THSD7B: variants seen among roughly 807,000 people sequenced by gnomAD.
THSD7B encodes thrombospondin type-1 domain-containing protein 7B.
In THSD7B, 138 loss-of-function variants were observed where a neutral mutation model predicts 213.6. That is an observed-to-expected ratio of 0.65 (90% CI 0.56 to 0.74). The LOEUF is 0.74. Among genes scored for constraint, THSD7B ranks in the 30% least tolerant of loss-of-function variants. The pLI is 0.00. For synonymous variants in THSD7B, 742 were observed against 687.0 expected (o/e 1.08, Z -1.25); for missense variants, 1,931 against 1,991.5 (o/e 0.97, Z 0.58).
In THSD7B at chr2:137,391,874, C is replaced by A. The variant is rs550818569; in HGVS notation, c.2501-13739C>A. Among the ~76,000 whole-genome samples the A allele has an allele frequency of 3.3e-5, 5 of 152,216 alleles. No homozygotes were observed. The East Asian group carries it at 9.7e-4, about 29-fold the overall frequency. On this transcript the variant is annotated intron_variant, in intron 12 of 27. Transcript: ENST00000409968. ...GATCTTTATACTTTCTTGATGTGGG[C>A]ATTTAATGCTACAGACTTCTTTCTT...
intron 27 of THSD7B, among the ~76,000 whole-genome samples, chr2:137,670,813 C>A (rs1188170911): frequency 6.6e-6 from 1 of 151,246 alleles, no homozygotes; most frequent in East Asian, 2.0e-4. Context: ...CCCAGCTACT[C>A]CGGAGGCTGA....
At chr2:137,284,675 A>G (rs1341908552) in intron 12 of THSD7B, among the ~76,000 whole-genome samples, 1 of 152,110 alleles carries the variant, frequency 6.6e-6, no homozygotes, top group Admixed American at 6.5e-5. Flanking sequence ...GTCATTCAGG[A>G]GCAGGTTGTT....
intron 3 of THSD7B, among the ~76,000 whole-genome samples, chr2:137,073,369 T>C (rs1444852081): frequency 6.6e-6 from 1 of 152,244 alleles, no homozygotes; most frequent in Non-Finnish European, 1.5e-5. Context: ...CCATTTCTTC[T>C]AGATTTTCTA....
chr2:137,296,851 T>G (rs1336068438), intron 12 of THSD7B, among the ~76,000 whole-genome samples: 1 of 152,060 alleles, frequency 6.6e-6, no homozygotes, highest in African/African-American at 2.4e-5. Flanking sequence ...AACTCAGGGC[T>G]GTTGTGGCTT....
intron 12 of THSD7B, among the ~76,000 whole-genome samples, chr2:137,280,086 A>G (rs6761619): frequency 0.17 from 25,249 of 152,082 alleles, 2,566 homozygotes; most frequent in East Asian, 0.49. Flanking sequence ...GTTTATTTCT[A>G]TCTAGTTCAT....
chr2:137,625,719 T>C (rs1441245908), intron 20 of THSD7B, among the ~76,000 whole-genome samples: 1 of 152,186 alleles, frequency 6.6e-6, no homozygotes, highest in Non-Finnish European at 1.5e-5. Context: ...TATGGCTTTT[T>C]CAGGTGGGCA....
intron 2 of THSD7B, among the ~76,000 whole-genome samples, chr2:136,968,339 AT>A (rs926128224): frequency 2.0e-5 from 3 of 152,018 alleles, no homozygotes; most frequent in Admixed American, 6.6e-5. Context: ...TATCTTTGAA[AT>A]TTTAATTTGC....
intron 15 of THSD7B, among the ~76,000 whole-genome samples, chr2:137,482,296 A>C (rs1688326823): frequency 1.3e-5 from 2 of 152,206 alleles, no homozygotes. Flanking sequence ...CATGTTCACC[A>C]AGAAACTAAT....
At chr2:136,908,149 G>C (rs943095476) in intron 2 of THSD7B, among the ~76,000 whole-genome samples, 5 of 152,038 alleles carry the variant, frequency 3.3e-5, no homozygotes, top group Non-Finnish European at 5.9e-5. Flanking sequence ...GCCAAAATTT[G>C]CTTCCAGGAG....
intron 2 of THSD7B, among the ~76,000 whole-genome samples, chr2:136,931,461 A>T (rs1209215609): frequency 1.3e-5 from 2 of 152,140 alleles, no homozygotes; most frequent in Non-Finnish European, 2.9e-5. Flanking sequence ...TGTCAAGGTG[A>T]TGGTGGAGGT....
At chr2:137,339,533 A>T (rs932452981) in intron 12 of THSD7B, among the ~76,000 whole-genome samples, 1 of 151,844 alleles carries the variant, frequency 6.6e-6, no homozygotes, top group African/African-American at 2.4e-5. Flanking sequence ...TCAAAACACA[A>T]ATGCACATCA....
intron 2 of THSD7B, among the ~76,000 whole-genome samples, chr2:137,017,503 G>A (rs1034434491): frequency 1.3e-5 from 2 of 152,098 alleles, no homozygotes; most frequent in South Asian, 2.1e-4. Flanking sequence ...TGATGACCTG[G>A]TTTATAAGGT....
At position 137,196,916 on chromosome 2, in the gene THSD7B, A is replaced by C. The variant is rs114539291; in HGVS notation, c.1723+25978A>C. Among the ~76,000 whole-genome samples, 657 of 152,264 alleles carry C rather than the reference A, an allele frequency of 4.3e-3. 5 individuals carry two copies. In the Middle Eastern group the frequency reaches 0.078, roughly 18 times the overall value. ...CAAACTGTAATCAAAGATCAGCGGTAATAGGGCTAATGCACAGCGGGCTCC... is the reference window on the plus strand; with the variant it reads ...CAAACTGTAATCAAAGATCAGCGGTCATAGGGCTAATGCACAGCGGGCTCC... On this transcript the variant is annotated intron_variant, in intron 7 of 27. Coordinates refer to ENST00000409968, the MANE Select transcript of THSD7B (RefSeq NM_001316349.2).
At chr2:137,276,074 A>T (rs1339692469) in intron 12 of THSD7B, 48 bp downstream of exon 12, 1 of 1,345,436 alleles carries the variant, frequency 7.4e-7, no homozygotes, top group Non-Finnish European at 1.0e-6. Flanking sequence ...GTAAGTTAAC[A>T]TTATGTAACT....
chr2:136,984,556 T>C (rs1685638772), intron 2 of THSD7B, among the ~76,000 whole-genome samples: 1 of 152,192 alleles, frequency 6.6e-6, no homozygotes, highest in Admixed American at 6.5e-5. Flanking sequence ...GTTGGTGCCA[T>C]GCATGTATAG....
chr2:137,500,585 C>G (rs974726979), intron 15 of THSD7B, among the ~76,000 whole-genome samples: 2 of 152,174 alleles, frequency 1.3e-5, no homozygotes, highest in Non-Finnish European at 2.9e-5. Flanking sequence ...CAGTGCAACC[C>G]TGACAGTCAT....
chr2:136,860,891 A>G (rs1241973498), intron 1 of THSD7B, among the ~76,000 whole-genome samples: 3 of 152,148 alleles, frequency 2.0e-5, no homozygotes, highest in East Asian at 1.9e-4. Context: ...GAATCATTCT[A>G]TTTCTCATGT....
chr2:137,117,531 G>A (rs1688466431), intron 5 of THSD7B, among the ~76,000 whole-genome samples: 1 of 152,044 alleles, frequency 6.6e-6, no homozygotes, highest in Admixed American at 6.6e-5. Context: ...TAGTAGTATT[G>A]ACTTTGGAAA....
intron 7 of THSD7B, among the ~76,000 whole-genome samples, chr2:137,227,731 A>C (rs550296643): frequency 1.3e-5 from 2 of 151,984 alleles, no homozygotes; most frequent in African/African-American, 4.8e-5. Flanking sequence ...CTGTGTAATT[A>C]TAAGTTTTTA....
Sources: gnomAD v4.1 joint callset for allele counts (sites outside exome capture counted in the v4.1 genomes callset) on GRCh38, gnomAD v4.1.1 for gene constraint, MANE v1.5 for transcripts, NCBI Gene and HGNC (gene_info 2026-07-23, HGNC 2026-07-21) for gene names.